PEX5: variants seen among roughly 807,000 people sequenced by gnomAD.
The protein encoded by PEX5 is peroxisomal biogenesis factor 5, also known as PTS1 receptor.
Under a neutral mutation model 82.9 loss-of-function variants are expected in PEX5, and 52 were observed. The observed-to-expected ratio is 0.63, with a 90% confidence interval of 0.50 to 0.79. The LOEUF is 0.79. PEX5 is among the 30% of genes least tolerant of loss of function. The probability of loss-of-function intolerance (pLI) is 0.00; values close to 1 mark genes in which losing one functional copy is unlikely to be tolerated. For synonymous variants in PEX5, 300 were observed against 318.8 expected (o/e 0.94, Z 0.63); for missense variants, 719 against 815.2 (o/e 0.88, Z 1.44).
intron 5 of PEX5, among the ~76,000 whole-genome samples, chr12:7,191,979 C>T (rs1257600405): frequency 1.3e-5 from 2 of 152,150 alleles, no homozygotes; most frequent in South Asian, 4.1e-4. Flanking sequence ...AGAGGATCTA[C>T]AGATTGGATG....
intron 5 of PEX5, among the ~76,000 whole-genome samples, chr12:7,196,305 A>T (rs1375614670): frequency 8.1e-5 from 6 of 74,328 alleles, no homozygotes; most frequent in African/African-American, 2.8e-4. Context: ...TATATGTCAT[A>T]TATAATTTAA....
At chr12:7,215,818 C>T (rs2136295255), downstream of PEX5, among the ~76,000 whole-genome samples, 1 of 152,192 alleles carries the variant, frequency 6.6e-6, no homozygotes, top group East Asian at 1.9e-4. Flanking sequence ...CATTTGTACA[C>T]CAAACCTCAG....
chr12:7,195,958 C>T (rs1941984544), intron 5 of PEX5, among the ~76,000 whole-genome samples: 1 of 148,830 alleles, frequency 6.7e-6, no homozygotes, highest in South Asian at 2.1e-4. Flanking sequence ...TTTTGAGAGT[C>T]CTTGAAATTA....
intron 5 of PEX5, among the ~76,000 whole-genome samples, chr12:7,197,847 A>G (rs1042761194): frequency 6.6e-6 from 1 of 152,142 alleles, no homozygotes; most frequent in Admixed American, 6.5e-5. Context: ...TGGAGTTAGT[A>G]GGTTCTCAAC....
intron 4 of PEX5, 104 bp downstream of exon 4, chr12:7,191,462 A>G: frequency 6.3e-7 from 1 of 1,594,518 alleles, no homozygotes; most frequent in Non-Finnish European, 8.6e-7. Flanking sequence ...TGAGATGCAG[A>G]AGGAGACAAA....
At chr12:7,190,117 C>G in intron 1 of PEX5, 2 of 1,483,994 alleles carry the variant, frequency 1.3e-6, no homozygotes, top group Non-Finnish European at 8.9e-7. Flanking sequence ...CCCATGGGAC[C>G]GTAGTCGCGG....
At chr12:7,215,078 A>G (rs1024389168), downstream of PEX5, among the ~76,000 whole-genome samples, 40 of 152,176 alleles carry the variant, frequency 2.6e-4, no homozygotes. Flanking sequence ...TAAGAAAACT[A>G]TTTTATAAAT....
At chr12:7,193,645 T>G (rs779136686) in intron 5 of PEX5, among the ~76,000 whole-genome samples, 8 of 152,336 alleles carry the variant, frequency 5.3e-5, no homozygotes, top group African/African-American at 1.9e-4. Context: ...GTGCTATCTC[T>G]TATCACAGAG....
At chr12:7,211,720 C>T (rs1298595434), downstream of PEX5, among the ~76,000 whole-genome samples, 2 of 152,140 alleles carry the variant, frequency 1.3e-5, no homozygotes, top group Non-Finnish European at 2.9e-5. Context: ...GGAAAGTGTG[C>T]AGTGCCATAT....
rs1279780530 is a variant in PEX5 at position 7,197,499 on chromosome 12, TTA to T, written c.449-1505_449-1504del. 7.0e-5 allele frequency among the ~76,000 whole-genome samples: 10 copies of T among 142,272 alleles called. 1 individual carries two copies. The highest frequency in any genetic ancestry group is 2.2e-4 in the South Asian group (1 of 4,620). The allele number at this position is 142,272 out of a possible 152,430, so 93.3% of individuals were successfully genotyped here. A position where few individuals can be genotyped will look rare whatever the true frequency, so the allele number is the denominator to read the frequency against. On this transcript the variant is annotated intron_variant, in intron 5 of 15. Transcript: ENST00000675855. ...ATATATAATATAATAATTATATATG[TTA>T]TATATAATGTAATAATTATATGTTA...
intron 6 of PEX5, among the ~76,000 whole-genome samples, chr12:7,200,250 C>T (rs1357757213): frequency 1.5e-4 from 21 of 143,026 alleles, no homozygotes; most frequent in East Asian, 6.6e-4. Flanking sequence ...ACATCCCAGA[C>T]GGGGCGGCGG....
downstream of PEX5, among the ~76,000 whole-genome samples, chr12:7,212,175 G>T (rs189077231): frequency 2.1e-4 from 32 of 151,958 alleles, no homozygotes; most frequent in Non-Finnish European, 3.7e-4. Context: ...ATGTTGGTCA[G>T]GCTGGTCTCG....
chr12:7,213,387 G>C (rs12426938), downstream of PEX5, among the ~76,000 whole-genome samples: 20,942 of 146,606 alleles, frequency 0.14, 1,891 homozygotes, highest in Non-Finnish European at 0.19. Context: ...CAGAGATATA[G>C]ATCAATGGAA....
chr12:7,199,126 A>C lies in PEX5; in HGVS notation c.551+13A>C, dbSNP rs372527455. The C allele has an allele frequency of 6.1e-6, 9 of 1,472,198 alleles. No individual in the cohort carries two copies. In the African/African-American group the frequency reaches 1.1e-4, roughly 18 times the overall value. 91.2% of individuals were successfully genotyped at this position (1,472,198 alleles called of 1,614,324 possible). A position where few individuals can be genotyped will look rare whatever the true frequency, so the allele number is the denominator to read the frequency against. ...CCACCGATCGCTGGTGAGTTCAGAT[A>C]CCTCTTTCCGAATCCCGTGAAAGGA... is the stretch of plus-strand genomic sequence containing the variant. On this transcript the variant is annotated intron_variant, in intron 6 of 15. Coordinates refer to ENST00000675855, the MANE Select transcript of PEX5 (RefSeq NM_001351132.2).
chr12:7,197,314 C>CATATGTCATATACAATGTAATAATTAT (rs1161579659), intron 5 of PEX5, among the ~76,000 whole-genome samples: 3 of 36,410 alleles, frequency 8.2e-5, no homozygotes, highest in African/African-American at 2.0e-4. Context: ...ATAATGTAAT[C>CATATGTCATATACAATGTAATAATTAT]ATATGTCATA....
chr12:7,213,362 G>A (rs1400174228), downstream of PEX5, among the ~76,000 whole-genome samples: 6 of 151,146 alleles, frequency 4.0e-5, no homozygotes, highest in East Asian at 9.7e-4. Flanking sequence ...AAACAGCATG[G>A]TACTGGTACC....
intron 8 of PEX5, 72 bp from the exon 9 acceptor site, chr12:7,202,540 G>T: frequency 6.9e-7 from 1 of 1,441,434 alleles, no homozygotes; most frequent in Non-Finnish European, 9.8e-7. Context: ...GTGGTGGTTA[G>T]TGGGTATTTA....
intron 10 of PEX5, among the ~76,000 whole-genome samples, chr12:7,205,922 G>T (rs1944704790): frequency 6.6e-6 from 1 of 152,206 alleles, no homozygotes; most frequent in Non-Finnish European, 1.5e-5. Context: ...CTAGAGCAGT[G>T]AGGATAATAG....
intron 7 of PEX5, 101 bp from the exon 8 acceptor site, chr12:7,202,140 T>C: frequency 6.4e-7 from 1 of 1,562,740 alleles, no homozygotes; most frequent in Non-Finnish European, 8.8e-7. Flanking sequence ...CAGCTAGAGA[T>C]GGTCAGGGGA....
Sources: gnomAD v4.1 joint callset for allele counts (sites outside exome capture counted in the v4.1 genomes callset) on GRCh38, gnomAD v4.1.1 for gene constraint, MANE v1.5 for transcripts, NCBI Gene and HGNC (gene_info 2026-07-23, HGNC 2026-07-21) for gene names.